Variants in FAN1 observed in about 807,000 individuals in gnomAD.
FAN1 encodes the protein fanconi-associated nuclease 1.
Under a neutral mutation model 104.9 loss-of-function variants are expected in FAN1, and 91 were observed. That is an observed-to-expected ratio of 0.87 (90% CI 0.73 to 1.03). The LOEUF (loss-of-function observed/expected upper bound fraction) is 1.03. Among genes scored for constraint, FAN1 ranks in the 50% least tolerant of loss-of-function variants. The pLI, the probability that FAN1 is intolerant of heterozygous loss-of-function variation, is 0.00. For missense variants in FAN1, 1,263 were observed against 1,239.9 expected, an observed-to-expected ratio of 1.02 and a Z score of -0.28; for synonymous variants, 478 against 457.6, an observed-to-expected ratio of 1.04 and a Z score of -0.57.
intron 10 of FAN1, 188 bp from the exon 11 acceptor site, chr15:30,928,365 A>AT (rs1484978830): frequency 1.4e-6 from 2 of 1,405,610 alleles, no homozygotes; most frequent in African/African-American, 2.9e-5. Flanking sequence ...TCTGTATATA[A>AT]ACAACATACT....
In FAN1 at chr15:30,905,196, G is replaced by A. The variant is rs367894669; in HGVS notation, c.533G>A (p.Gly178Asp). 6.8e-6 allele frequency: 11 copies of A among 1,613,700 alleles called. No individual in the cohort carries two copies. In the South Asian group the frequency reaches 9.9e-5, roughly 14 times the overall value. ...KSIDKDEEFA[G>D]SSPQSSKSTV... ...ATAGATAAGGATGAAGAATTTGCCG[G>A]TTCTAGTCCACAGAGTTCCAAATCC... Residue 178 changes from glycine (G) to aspartate (D), a missense_variant, in exon 2 of 15, where the codon GGT becomes GAT. By Grantham distance (94) the Gly-to-Asp change is moderately conservative. Coordinates refer to ENST00000362065, the MANE Select transcript of FAN1 (RefSeq NM_014967.5).
At position 30,930,527 on chromosome 15, in the gene FAN1, T is replaced by TGTGTTTTGTGTTCAGGATC. The variant is rs2062681569; in HGVS notation, c.2788-15_2791dup. 1 of 1,581,496 alleles carries TGTGTTTTGTGTTCAGGATC rather than the reference T, an allele frequency of 6.3e-7. No individual in the cohort carries two copies. Among genetic ancestry groups the TGTGTTTTGTGTTCAGGATC allele is most frequent in the African/African-American group, 1.4e-5 (1 of 72,636 alleles). The stretch of plus-strand genomic sequence containing the variant: ...TCACGAGGGAAGTGGCTAACTGTCC[T>TGTGTTTTGTGTTCAGGATC]GTGTTTTGTGTTCAGGATCTTGTCT... On this transcript the variant is annotated splice_polypyrimidine_tract_variant and intron_variant, in intron 12 of 14. Coordinates refer to ENST00000362065, the MANE Select transcript of FAN1 (RefSeq NM_014967.5).
At chr15:30,910,927 AGATT>A (rs2062086684) in intron 4 of FAN1, 112 bp downstream of exon 4, 1 of 1,404,198 alleles carries the variant, frequency 7.1e-7, no homozygotes. Context: ...AGTTGTAGTT[AGATT>A]GAGAAGGCTG....
In FAN1 at chr15:30,942,543, A is replaced by G; in HGVS notation, c.*981A>G. On this transcript the variant is annotated 3_prime_UTR_variant, in exon 15 of 15. Transcript: ENST00000362065. ...GCAAACAATGAATGTTATTAGGACAAGAATATAGCAGTCAGGAGGCCATGA... is the reference window on the plus strand; with the variant it reads ...GCAAACAATGAATGTTATTAGGACAGGAATATAGCAGTCAGGAGGCCATGA... The G allele has an allele frequency of 3.2e-6, 1 of 314,890 alleles. No individual in the cohort carries two copies. 19.5% of individuals were successfully genotyped at this position (314,890 alleles called of 1,614,324 possible). A position where few individuals can be genotyped will look rare whatever the true frequency, so the allele number is the denominator to read the frequency against.
At chr15:30,930,339 C>G (rs907333668) in intron 12 of FAN1, among the ~76,000 whole-genome samples, 2 of 152,186 alleles carry the variant, frequency 1.3e-5, no homozygotes, top group Admixed American at 6.5e-5. Context: ...CACAGGAGGA[C>G]CAGTCTCCCA....
chr15:30,932,757 A>G (rs1186131043), intron 13 of FAN1, among the ~76,000 whole-genome samples: 1 of 138,522 alleles, frequency 7.2e-6, no homozygotes, highest in Non-Finnish European at 1.5e-5. Context: ...TCTGTCGCCC[A>G]GACTGGAGTG....
intron 6 of FAN1, 28 bp from the exon 7 acceptor site, chr15:30,920,517 A>T: frequency 7.2e-7 from 1 of 1,390,598 alleles, no homozygotes; most frequent in Non-Finnish European, 1.0e-6. Flanking sequence ...CCAAATTATT[A>T]AACTACTGGT....
intron 10 of FAN1, 181 bp from the exon 11 acceptor site, chr15:30,928,372 T>A (rs1278067733): frequency 7.7e-6 from 11 of 1,426,262 alleles, no homozygotes; most frequent in Non-Finnish European, 1.0e-5. Flanking sequence ...ATAAACAACA[T>A]ACTGTATAAA....
intron 10 of FAN1, chr15:30,927,709 G>T (rs568863992): frequency 1.0e-6 from 1 of 985,622 alleles, no homozygotes; most frequent in East Asian, 1.1e-4. Flanking sequence ...GTGGTCTTGT[G>T]GGGAGAGGCA....
chr15:30,913,804 G>C, intron 4 of FAN1, 54 bp from the exon 5 acceptor site: 1 of 1,137,254 alleles, frequency 8.8e-7, no homozygotes, highest in African/African-American at 1.6e-5. Context: ...TGTAAAATCT[G>C]ACATCCAAAT....
At chr15:30,933,302 T>C (rs1031541171) in intron 13 of FAN1, among the ~76,000 whole-genome samples, 12 of 152,232 alleles carry the variant, frequency 7.9e-5, no homozygotes, top group African/African-American at 2.9e-4. Context: ...TATCTGAACC[T>C]CACAAATTTA....
chr15:30,905,224 A>C lies in FAN1; in HGVS notation c.561A>C (p.Thr187=). Residue 187 remains threonine (T), a synonymous_variant, in exon 2 of 15, where the codon ACA becomes ACC. Transcript: ENST00000362065. ...CTAGTCCACAGAGTTCCAAATCCAC[A>C]GTTGTTAAGAGCCTGATTGATAACT... ...AGSSPQSSKS[T]VVKSLIDNSS... is the part of the protein sequence containing the mutation. 6.2e-7 allele frequency: 1 copy of C among 1,613,974 alleles called. No homozygotes were observed. The highest frequency in any genetic ancestry group is 1.3e-5 in the African/African-American group (1 of 75,070).
intron 13 of FAN1, among the ~76,000 whole-genome samples, chr15:30,936,219 C>A (rs535131410): frequency 3.3e-5 from 5 of 152,158 alleles, no homozygotes; most frequent in Non-Finnish European, 7.4e-5. Context: ...CTTATGAATG[C>A]CATGAAAGAA....
chr15:30,920,145 C>T (rs2062291650), intron 6 of FAN1, among the ~76,000 whole-genome samples: 1 of 152,202 alleles, frequency 6.6e-6, no homozygotes, highest in Non-Finnish European at 1.5e-5. Context: ...TTCCAGTTAA[C>T]TTCATTTGTG....
At position 30,905,247 on chromosome 15, in the gene FAN1, ACT is replaced by A; in HGVS notation, c.587_588del (p.Ser196PhefsTer4). ...ACAGTTGTTAAGAGCCTGATTGATAACTCTTCAGAAATTGAGGACGAGGATCA... is the reference window on the plus strand; with the variant it reads ...ACAGTTGTTAAGAGCCTGATTGATAACTTCAGAAATTGAGGACGAGGATCA... On this transcript the variant is annotated frameshift_variant, in exon 2 of 15. Coordinates refer to ENST00000362065, the MANE Select transcript of FAN1 (RefSeq NM_014967.5). LOFTEE classifies it high-confidence loss of function. 1 of 1,614,030 alleles carries A rather than the reference ACT, an allele frequency of 6.2e-7. No homozygotes were observed. The highest frequency in any genetic ancestry group is 8.5e-7 in the Non-Finnish European group (1 of 1,180,008).
rs1390061233 is a variant in FAN1 at position 30,929,188 on chromosome 15, T to C, written c.2593-15T>C. On this transcript the variant is annotated splice_polypyrimidine_tract_variant and intron_variant, in intron 11 of 14. Coordinates refer to ENST00000362065, the MANE Select transcript of FAN1 (RefSeq NM_014967.5). The stretch of plus-strand genomic sequence containing the variant: ...TGCAGGCACAGTATGACAGCTTGCT[T>C]TCCCTGTGACACAGGCATTCCCCCT... The C allele has an allele frequency of 1.2e-6, 2 of 1,607,766 alleles. No individual in the cohort carries two copies. The highest frequency in any genetic ancestry group is 1.1e-5 in the South Asian group (1 of 90,238).
intron 14 of FAN1, 31 bp downstream of exon 14, chr15:30,937,290 T>TCCCC: frequency 6.3e-7 from 1 of 1,578,134 alleles, no homozygotes; most frequent in Non-Finnish European, 8.6e-7. Context: ...GGTCATACAT[T>TCCCC]AATGTAAGAT....
rs1566937179 is a variant in FAN1 at position 30,937,128 on chromosome 15, G to A, written c.2926G>A (p.Val976Ile). ...AAAATTTCTTTTCCAGCTGGTGGAA[G>A]TTAAAGGCCCCAATGATCGTCTTTC... ...SQSRHFKLVE[V>I]KGPNDRLSHK... is the part of the protein sequence containing the mutation. The change falls in exon 14 of 15, where the codon GTT becomes ATT. Residue 976 changes from valine (V) to isoleucine (I), a missense_variant. Coordinates refer to ENST00000362065, the MANE Select transcript of FAN1 (RefSeq NM_014967.5). 1 of 1,608,730 alleles carries A rather than the reference G, an allele frequency of 6.2e-7. No individual in the cohort carries two copies. Among genetic ancestry groups the A allele is most frequent in the South Asian group, 1.1e-5 (1 of 89,444 alleles).
chr15:30,940,323 A>T (rs2062998503), intron 14 of FAN1: 1 of 985,318 alleles, frequency 1.0e-6, no homozygotes, highest in Admixed American at 6.1e-5. Context: ...GTGTCTGCTC[A>T]TTCTCCTCAA....
Sources: allele counts gnomAD v4.1 joint callset (sites outside exome capture counted in the v4.1 genomes callset), GRCh38; gene constraint gnomAD v4.1.1; transcripts MANE v1.5; gene names NCBI Gene and HGNC (gene_info 2026-07-23, HGNC 2026-07-21).